MARCHF1: variants seen among roughly 807,000 people sequenced by gnomAD.
The protein encoded by MARCHF1 is E3 ubiquitin-protein ligase MARCHF1.
In MARCHF1, 40 loss-of-function variants were observed where a neutral mutation model predicts 54.2. The ratio of observed to expected loss-of-function variants is 0.74; its 90% CI spans 0.57 to 0.96. MARCHF1 has a LOEUF of 0.96. Among genes scored for constraint, MARCHF1 ranks in the 40% least tolerant of loss-of-function variants. MARCHF1 has a pLI of 0.00. For missense variants in MARCHF1, 586 were observed against 656.5 expected, an observed-to-expected ratio of 0.89 and a Z score of 1.17; for synonymous variants, 236 against 236.3, an observed-to-expected ratio of 1.00 and a Z score of 0.01.
chr4:164,221,974 G>T (rs1459694079), intron 1 of MARCHF1, among the ~76,000 whole-genome samples: 3 of 95,928 alleles, frequency 3.1e-5, no homozygotes. Flanking sequence ...AAGAAATCAG[G>T]GTTCAGGTAG....
intron 1 of MARCHF1, among the ~76,000 whole-genome samples, chr4:164,140,539 A>C (rs948540264): frequency 6.6e-6 from 1 of 151,956 alleles, no homozygotes; most frequent in African/African-American, 2.4e-5. Flanking sequence ...CCCCTCACTA[A>C]TTCCTGTTTC....
At chr4:164,042,067 T>C (rs1407896829) in intron 2 of MARCHF1, among the ~76,000 whole-genome samples, 1 of 152,132 alleles carries the variant, frequency 6.6e-6, no homozygotes, top group Admixed American at 6.6e-5. Flanking sequence ...GCCAACAATA[T>C]TCGATTTACT....
At chr4:164,332,485 G>C (rs1729568912) in intron 1 of MARCHF1, among the ~76,000 whole-genome samples, 1 of 152,210 alleles carries the variant, frequency 6.6e-6, no homozygotes, top group Non-Finnish European at 1.5e-5. Flanking sequence ...ACTAGATGGT[G>C]TGATAGCAGG....
intron 4 of MARCHF1, among the ~76,000 whole-genome samples, chr4:163,815,933 A>G (rs1182761213): frequency 6.6e-6 from 1 of 152,184 alleles, no homozygotes; most frequent in Admixed American, 6.5e-5. Flanking sequence ...TCCCCTTTTT[A>G]TGGCTGGAAA....
At chr4:163,815,544 G>A (rs1748510166) in intron 4 of MARCHF1, among the ~76,000 whole-genome samples, 1 of 152,092 alleles carries the variant, frequency 6.6e-6, no homozygotes, top group Non-Finnish European at 1.5e-5. Flanking sequence ...GAGGATTACA[G>A]GGCTATCTTC....
At chr4:164,212,382 A>C (rs1731800922) in intron 1 of MARCHF1, among the ~76,000 whole-genome samples, 1 of 152,150 alleles carries the variant, frequency 6.6e-6, no homozygotes, top group Admixed American at 6.5e-5. Flanking sequence ...TCAGACTTTC[A>C]AGGTGCCAGT....
At chr4:163,550,444 A>C (rs909412875) in intron 8 of MARCHF1, among the ~76,000 whole-genome samples, 1 of 151,644 alleles carries the variant, frequency 6.6e-6, no homozygotes, top group African/African-American at 2.4e-5. Flanking sequence ...AATCTATAGA[A>C]TGATAGACCA....
intron 7 of MARCHF1, among the ~76,000 whole-genome samples, chr4:163,594,465 GC>G (rs1257576952): frequency 6.6e-6 from 1 of 151,476 alleles, no homozygotes; most frequent in Non-Finnish European, 1.5e-5. Flanking sequence ...ATTACACAGA[GC>G]CTGGTATTTC....
At chr4:163,786,784 T>C (rs1747633774) in intron 4 of MARCHF1, among the ~76,000 whole-genome samples, 1 of 151,750 alleles carries the variant, frequency 6.6e-6, no homozygotes, top group African/African-American at 2.4e-5. Context: ...GCAAAAACAA[T>C]CTTGAAAAGA....
chr4:163,830,748 T>TA (rs1748998481), intron 4 of MARCHF1, among the ~76,000 whole-genome samples: 1 of 151,572 alleles, frequency 6.6e-6, no homozygotes, highest in Non-Finnish European at 1.5e-5. Flanking sequence ...CCCCAGTCTC[T>TA]AAAAAAAGAA....
At chr4:164,348,063 A>G (rs1003419764) in intron 1 of MARCHF1, among the ~76,000 whole-genome samples, 1 of 152,154 alleles carries the variant, frequency 6.6e-6, no homozygotes, top group Admixed American at 6.5e-5. Flanking sequence ...AAAGAATTGA[A>G]CACTTGCCTG....
chr4:164,339,648 C>T (rs57982432), intron 1 of MARCHF1, among the ~76,000 whole-genome samples: 82,063 of 151,886 alleles, frequency 0.54, 22,766 homozygotes, highest in East Asian at 0.65. Flanking sequence ...AACCTAACTT[C>T]ACACCTTCAG....
At chr4:164,015,358 A>C (rs1269939505) in intron 2 of MARCHF1, among the ~76,000 whole-genome samples, 1 of 152,198 alleles carries the variant, frequency 6.6e-6, no homozygotes, top group Non-Finnish European at 1.5e-5. Context: ...CTACCAGAAG[A>C]AAACACTAGG....
chr4:163,940,986 A>G (rs1751901055), intron 3 of MARCHF1, among the ~76,000 whole-genome samples: 1 of 152,092 alleles, frequency 6.6e-6, no homozygotes, highest in African/African-American at 2.4e-5. Context: ...GGAGACATAG[A>G]GGTATAAGGT....
intron 7 of MARCHF1, among the ~76,000 whole-genome samples, chr4:163,608,775 CT>C (rs1010796392): frequency 6.6e-6 from 1 of 151,922 alleles, no homozygotes; most frequent in African/African-American, 2.4e-5. Flanking sequence ...TTAGGAGCTT[CT>C]TTCTTTTTTG....
chr4:164,197,891 C>CA lies in MARCHF1; in HGVS notation c.-322-86230dup, dbSNP rs542475813. Among the ~76,000 whole-genome samples, 12 of 152,190 alleles carry CA rather than the reference C, an allele frequency of 7.9e-5. No individual in the cohort carries two copies. The East Asian group carries it at 1.5e-3, about 20-fold the overall frequency. Reference sequence around the variant, plus strand: ...GATAAGTAACCTGGGTCAAGCAGAACAATTATTCAAGTATATGGATCTTCC... The same window carrying CA: ...GATAAGTAACCTGGGTCAAGCAGAACAAATTATTCAAGTATATGGATCTTCC... On this transcript the variant is annotated intron_variant, in intron 1 of 9. Coordinates refer to ENST00000514618, the MANE Select transcript of MARCHF1 (RefSeq NM_001394959.1).
intron 4 of MARCHF1, among the ~76,000 whole-genome samples, chr4:163,717,128 T>C (rs2111273718): frequency 6.9e-6 from 1 of 145,836 alleles, no homozygotes; most frequent in South Asian, 2.4e-4. Flanking sequence ...GTATATCTCC[T>C]AATGCTATCC....
intron 1 of MARCHF1, among the ~76,000 whole-genome samples, chr4:164,195,930 T>C (rs933216473): frequency 2.0e-5 from 3 of 152,190 alleles, no homozygotes; most frequent in African/African-American, 4.8e-5. Context: ...CTAGAATTTA[T>C]TGAGGTCTCC....
At chr4:163,765,485 C>T (rs189837048) in intron 4 of MARCHF1, among the ~76,000 whole-genome samples, 1 of 152,158 alleles carries the variant, frequency 6.6e-6, no homozygotes, top group African/African-American at 2.4e-5. Flanking sequence ...TAGCCATAGG[C>T]TAACTACAGC....
Sources: gnomAD v4.1 joint callset for allele counts (sites outside exome capture counted in the v4.1 genomes callset) on GRCh38, gnomAD v4.1.1 for gene constraint, MANE v1.5 for transcripts, NCBI Gene and HGNC (gene_info 2026-07-23, HGNC 2026-07-21) for gene names.